STIM2: variants seen among roughly 807,000 people sequenced by gnomAD.
The protein encoded by STIM2 is stromal interaction molecule 2.
A neutral mutation model predicts 85.8 loss-of-function variants in STIM2; 31 were observed. That is an observed-to-expected ratio of 0.36 (90% confidence interval 0.27 to 0.49). STIM2 has a LOEUF of 0.49. Among genes scored for constraint, STIM2 ranks in the 20% least tolerant of loss-of-function variants. STIM2 has a pLI of 0.98. For missense variants in STIM2, 841 were observed against 927.6 expected (o/e 0.91, Z 1.21); for synonymous variants, 356 against 331.1 (o/e 1.08, Z -0.82).
intron 1 of STIM2, among the ~76,000 whole-genome samples, chr4:26,913,298 T>C (rs1206930848): frequency 6.6e-6 from 1 of 151,842 alleles, no homozygotes; most frequent in East Asian, 1.9e-4. Context: ...TATAGTATTA[T>C]ACTATGTATA....
intron 3 of STIM2, among the ~76,000 whole-genome samples, chr4:26,991,232 A>G (rs1224778950): frequency 2.6e-5 from 4 of 152,186 alleles, no homozygotes; most frequent in African/African-American, 4.8e-5. Flanking sequence ...TGTATACACA[A>G]TGGAATATTA....
intron 3 of STIM2, among the ~76,000 whole-genome samples, chr4:26,975,752 C>T (rs547184380): frequency 6.6e-5 from 10 of 152,224 alleles, no homozygotes; most frequent in South Asian, 4.1e-4. Flanking sequence ...AGAGCTCAGA[C>T]GCTGTGCTGG....
rs1341382800 is a variant in STIM2, at chr4:27,020,375, A to G, written c.1764-2144A>G. ...AAGGCTTTGCAGAAATGCCTCTATCAATGATTGATTTCTGAGTCTGATCAT... is the reference window on the plus strand; with the variant it reads ...AAGGCTTTGCAGAAATGCCTCTATCGATGATTGATTTCTGAGTCTGATCAT... On this transcript the variant is annotated intron_variant, in intron 11 of 11. Coordinates refer to ENST00000467087, the MANE Select transcript of STIM2 (RefSeq NM_020860.4). 2.6e-5 allele frequency among the ~76,000 whole-genome samples: 4 copies of G among 152,246 alleles called. No homozygotes were observed. The East Asian group carries it at 7.7e-4, about 29-fold the overall frequency.
intron 3 of STIM2, among the ~76,000 whole-genome samples, chr4:26,980,112 T>C (rs1449783325): frequency 1.3e-5 from 2 of 152,168 alleles, no homozygotes; most frequent in Non-Finnish European, 2.9e-5. Context: ...TTATCTAAAA[T>C]GGCAAATGGG....
At chr4:26,990,912 T>G (rs533778285) in intron 3 of STIM2, among the ~76,000 whole-genome samples, 1 of 152,202 alleles carries the variant, frequency 6.6e-6, no homozygotes, top group East Asian at 1.9e-4. Flanking sequence ...ATGGCTGTTA[T>G]CAAAAAGACA....
At chr4:26,891,148 G>T (rs1723461616) in intron 1 of STIM2, among the ~76,000 whole-genome samples, 1 of 152,200 alleles carries the variant, frequency 6.6e-6, no homozygotes, top group East Asian at 1.9e-4. Flanking sequence ...GGTCTGTGGT[G>T]TCCAGTTGTT....
rs1376934772 is a variant in STIM2, at chr4:27,008,802, G to T, written c.1289G>T (p.Arg430Leu). ...GAGTTGACAACTTGTTTACGAGAAC[G>T]ACTTTTTCGCTGGCAACAAATTGAG... Residue 430 changes from arginine (R) to leucine (L), a missense_variant, in exon 10 of 12, where the codon CGA (arginine) becomes CTA (leucine). Around this residue, in one of 3 missense-constraint regions of STIM2, gnomAD observed 408 missense variants for 525.4 expected, o/e 0.78. Transcript: ENST00000467087. 1 of 1,614,056 alleles carries T rather than the reference G, an allele frequency of 6.2e-7. No homozygotes were observed. Among genetic ancestry groups the T allele is most frequent in the African/African-American group, 1.3e-5 (1 of 75,030 alleles).
intron 2 of STIM2, among the ~76,000 whole-genome samples, chr4:26,950,502 T>C (rs1471207565): frequency 1.3e-5 from 2 of 152,078 alleles, no homozygotes; most frequent in African/African-American, 4.8e-5. Context: ...TGGGAGGTGC[T>C]TAGACTATGA....
At chr4:26,992,170 A>T (rs188697447) in intron 3 of STIM2, among the ~76,000 whole-genome samples, 1 of 152,146 alleles carries the variant, frequency 6.6e-6, no homozygotes, top group African/African-American at 2.4e-5. Flanking sequence ...AGAATTTCTT[A>T]TACATACAAA....
intron 2 of STIM2, among the ~76,000 whole-genome samples, chr4:26,954,512 T>A (rs992009177): frequency 6.7e-6 from 1 of 148,674 alleles, no homozygotes; most frequent in African/African-American, 2.6e-5. Flanking sequence ...TAAGAAGTAT[T>A]TGTCTTTTGA....
chr4:26,972,245 CTGA>C (rs1201773873), intron 3 of STIM2, among the ~76,000 whole-genome samples: 2 of 152,074 alleles, frequency 1.3e-5, no homozygotes, highest in Non-Finnish European at 2.9e-5. Context: ...TTTCTCTTGC[CTGA>C]TTACCCTGGC....
At chr4:26,957,814 C>A in intron 3 of STIM2, 88 bp downstream of exon 3, 1 of 750,824 alleles carries the variant, frequency 1.3e-6, no homozygotes, top group Non-Finnish European at 2.2e-6. Flanking sequence ...TATGCTTTTA[C>A]CAAAAAAATC....
intron 1 of STIM2, among the ~76,000 whole-genome samples, chr4:26,885,830 T>TAC (rs1560194494): frequency 2.0e-4 from 4 of 19,848 alleles, no homozygotes; most frequent in East Asian, 3.8e-3. Flanking sequence ...GTTATATATA[T>TAC]ATATATATAT....
intron 4 of STIM2, 79 bp downstream of exon 4, chr4:26,995,569 C>T: frequency 1.3e-6 from 1 of 756,082 alleles, no homozygotes; most frequent in Non-Finnish European, 2.0e-6. Context: ...ACTGAATCTA[C>T]AAGTTACTTC....
intron 3 of STIM2, among the ~76,000 whole-genome samples, chr4:26,986,057 C>G (rs1366720168): frequency 6.6e-6 from 1 of 152,116 alleles, no homozygotes. Flanking sequence ...ACTCAGTGGG[C>G]GTAGTTCTAA....
intron 3 of STIM2, among the ~76,000 whole-genome samples, chr4:26,985,416 A>G (rs958566926): frequency 6.6e-6 from 1 of 152,170 alleles, no homozygotes; most frequent in Non-Finnish European, 1.5e-5. Flanking sequence ...TTGGATTTAA[A>G]AGTAGTCAAT....
At chr4:26,932,321 A>G (rs1017120950) in intron 2 of STIM2, among the ~76,000 whole-genome samples, 6 of 152,302 alleles carry the variant, frequency 3.9e-5, no homozygotes, top group Admixed American at 1.3e-4. Flanking sequence ...TTGTAATACA[A>G]ACTGTCTCTT....
intron 1 of STIM2, among the ~76,000 whole-genome samples, chr4:26,879,114 C>T (rs1048141718): frequency 6.6e-6 from 1 of 152,184 alleles, no homozygotes; most frequent in East Asian, 1.9e-4. Flanking sequence ...GACTCATCAG[C>T]CTGTAAGTAG....
At chr4:26,939,213 C>T (rs757230203) in intron 2 of STIM2, among the ~76,000 whole-genome samples, 10 of 152,092 alleles carry the variant, frequency 6.6e-5, no homozygotes, top group Non-Finnish European at 1.2e-4. Context: ...CATCTAAACT[C>T]GTGAGAACTA....
Sources: gnomAD v4.1 joint callset for allele counts (sites outside exome capture counted in the v4.1 genomes callset) on GRCh38, gnomAD v4.1.1 for gene constraint, gnomAD v4.1.1 regional missense constraint, MANE v1.5 for transcripts, NCBI Gene and HGNC (gene_info 2026-07-23, HGNC 2026-07-21) for gene names.